DLG2: variants seen among roughly 807,000 people sequenced by gnomAD.
The protein encoded by DLG2 is disks large homolog 2.
A neutral mutation model predicts 132.5 loss-of-function variants in DLG2; 45 were observed. The ratio of observed to expected loss-of-function variants is 0.34; its 90% CI spans 0.27 to 0.44. The LOEUF is 0.44. DLG2 is among the 20% of genes least tolerant of loss of function. The pLI, the probability that DLG2 is intolerant of heterozygous loss-of-function variation, is 1.00. For synonymous variants in DLG2, 424 were observed against 419.6 expected, an observed-to-expected ratio of 1.01 and a Z score of -0.13; for missense variants, 1,045 against 1,196.9, an observed-to-expected ratio of 0.87 and a Z score of 1.87.
intron 7 of DLG2, among the ~76,000 whole-genome samples, chr11:84,308,356 G>GAC (rs1401502834): frequency 1.3e-5 from 2 of 152,194 alleles, no homozygotes; most frequent in African/African-American, 4.8e-5. Flanking sequence ...CCCTGAGCTA[G>GAC]ACACAGGGTG....
intron 6 of DLG2, among the ~76,000 whole-genome samples, chr11:84,726,300 T>G (rs970989604): frequency 6.6e-6 from 1 of 152,126 alleles, no homozygotes; most frequent in Non-Finnish European, 1.5e-5. Flanking sequence ...GTGTGTGATG[T>G]TCCCCTCCCT....
At chr11:84,195,740 A>G (rs1475830277) in intron 8 of DLG2, among the ~76,000 whole-genome samples, 2 of 151,016 alleles carry the variant, frequency 1.3e-5, no homozygotes, top group South Asian at 2.1e-4. Flanking sequence ...TTCTGCAGCA[A>G]CCTCCCCAGT....
chr11:85,314,384 G>A (rs1016189219), intron 3 of DLG2, among the ~76,000 whole-genome samples: 1 of 151,568 alleles, frequency 6.6e-6, no homozygotes, highest in African/African-American at 2.4e-5. Flanking sequence ...AGGTCAGCTA[G>A]GAAAAGATTC....
At chr11:85,383,640 C>A (rs138845373) in intron 3 of DLG2, among the ~76,000 whole-genome samples, 1 of 152,076 alleles carries the variant, frequency 6.6e-6, no homozygotes, top group African/African-American at 2.4e-5. Flanking sequence ...CGTCAACTAT[C>A]CGGCATAACC....
rs541074422 is a variant in DLG2 at position 84,985,957 on chromosome 11, A to T, written c.357+125704T>A. On this transcript the variant is annotated intron_variant, in intron 6 of 27. Coordinates refer to ENST00000376104, the MANE Select transcript of DLG2 (RefSeq NM_001142699.3). The stretch of plus-strand genomic sequence containing the variant: ...CAGTGTGCCACGATTGCACCATTGC[A>T]CTCCAGCCTGGGCAACGGAGCAAGA... 3.2e-5 allele frequency among the ~76,000 whole-genome samples: 4 copies of T among 126,200 alleles called. No individual in the cohort carries two copies. The Admixed American group carries it at 4.4e-4, about 14-fold the overall frequency. The allele number at this position is 126,200 out of a possible 152,430, so 82.8% of individuals were successfully genotyped here.
intron 18 of DLG2, among the ~76,000 whole-genome samples, chr11:83,705,085 G>A (rs1197693749): frequency 6.6e-6 from 1 of 152,042 alleles, no homozygotes. Flanking sequence ...AAAAAATAAA[G>A]CATAGACATG....
intron 6 of DLG2, 29 bp from the exon 7 acceptor site, chr11:84,534,760 A>G: frequency 1.9e-6 from 3 of 1,609,644 alleles, no homozygotes; most frequent in Non-Finnish European, 2.6e-6. Context: ...AAGGACAAGT[A>G]TGTATATATC....
intron 3 of DLG2, among the ~76,000 whole-genome samples, chr11:85,399,646 A>T (rs553175250): frequency 2.0e-5 from 3 of 152,184 alleles, no homozygotes; most frequent in East Asian, 1.9e-4. Context: ...AACGATCTGA[A>T]CTTTGACAAA....
intron 9 of DLG2, among the ~76,000 whole-genome samples, chr11:84,112,122 C>T (rs534843208): frequency 3.6e-4 from 54 of 152,058 alleles, no homozygotes; most frequent in Non-Finnish European, 6.9e-4. Flanking sequence ...ATGCCATTCT[C>T]CTGTCTCAGC....
At chr11:85,309,167 C>G (rs187431146) in intron 3 of DLG2, among the ~76,000 whole-genome samples, 10 of 152,044 alleles carry the variant, frequency 6.6e-5, no homozygotes, top group South Asian at 2.1e-4. Context: ...GAGACATGTA[C>G]CAGAGCCACC....
intron 6 of DLG2, among the ~76,000 whole-genome samples, chr11:84,548,761 T>C (rs2099395885): frequency 6.6e-6 from 1 of 152,130 alleles, no homozygotes; most frequent in African/African-American, 2.4e-5. Context: ...CACTAAGTAT[T>C]CTTACACGAG....
At chr11:83,776,727 A>G (rs1270453300) in intron 18 of DLG2, among the ~76,000 whole-genome samples, 1 of 152,104 alleles carries the variant, frequency 6.6e-6, no homozygotes, top group Non-Finnish European at 1.5e-5. Context: ...TCTCTCCTTC[A>G]GATACACTTC....
chr11:85,377,366 C>T (rs1281667463), intron 3 of DLG2, among the ~76,000 whole-genome samples: 1 of 152,018 alleles, frequency 6.6e-6, no homozygotes, highest in East Asian at 1.9e-4. Context: ...GTTATGAAAG[C>T]TTGAGTTTCC....
chr11:84,050,255 A>G (rs139304172), intron 11 of DLG2, among the ~76,000 whole-genome samples: 4 of 151,674 alleles, frequency 2.6e-5, no homozygotes, highest in Non-Finnish European at 5.9e-5. Context: ...AGGGACCAGC[A>G]ATGAAGCCTA....
intron 9 of DLG2, among the ~76,000 whole-genome samples, chr11:84,127,397 C>A (rs1420829362): frequency 6.6e-6 from 1 of 152,178 alleles, no homozygotes; most frequent in African/African-American, 2.4e-5. Flanking sequence ...TCTATGTAAT[C>A]TTTTAGTGCT....
At chr11:84,992,485 AG>A in intron 6 of DLG2, among the ~76,000 whole-genome samples, 1 of 152,324 alleles carries the variant, frequency 6.6e-6, no homozygotes, top group East Asian at 1.9e-4. Flanking sequence ...GCATCTCCTG[AG>A]GCACCTTATT....
At chr11:84,274,566 C>T (rs2097767326) in intron 7 of DLG2, among the ~76,000 whole-genome samples, 1 of 152,002 alleles carries the variant, frequency 6.6e-6, no homozygotes, top group African/African-American at 2.4e-5. Context: ...CCATTTGTAC[C>T]CTGATGATGG....
chr11:85,261,360 C>A (rs1242394926), intron 4 of DLG2, among the ~76,000 whole-genome samples: 2 of 152,054 alleles, frequency 1.3e-5, no homozygotes, highest in Non-Finnish European at 1.5e-5. Flanking sequence ...TTGTTGCTTA[C>A]TTATGAGGAC....
chr11:84,947,192 T>C (rs867533057), intron 6 of DLG2, among the ~76,000 whole-genome samples: 1 of 152,184 alleles, frequency 6.6e-6, no homozygotes, highest in African/African-American at 2.4e-5. Flanking sequence ...GTACTGTAAT[T>C]GCTTACCTGA....
Sources: allele counts gnomAD v4.1 joint callset (sites outside exome capture counted in the v4.1 genomes callset), GRCh38; gene constraint gnomAD v4.1.1; transcripts MANE v1.5; gene names NCBI Gene and HGNC (gene_info 2026-07-23, HGNC 2026-07-21).